TCF7L1: variants seen among roughly 807,000 people sequenced by gnomAD.
The protein encoded by TCF7L1 is transcription factor 7 like 1, also known as transcription factor 7-like 1.
In TCF7L1, 18 loss-of-function variants were observed where a neutral mutation model predicts 63.7. The ratio of observed to expected loss-of-function variants is 0.28; its 90% CI spans 0.20 to 0.42. The LOEUF (loss-of-function observed/expected upper bound fraction) is 0.42. Ranked by LOEUF, TCF7L1 falls within the 10% of genes least tolerant of loss-of-function variation. The pLI, the probability that TCF7L1 is intolerant of heterozygous loss-of-function variation, is 1.00. For synonymous variants in TCF7L1, 355 were observed against 340.9 expected (o/e 1.04, Z -0.46); for missense variants, 654 against 779.3 (o/e 0.84, Z 1.91).
At chr2:85,258,068 AGGGCTG>A (rs1680763356) in intron 3 of TCF7L1, among the ~76,000 whole-genome samples, 1 of 152,222 alleles carries the variant, frequency 6.6e-6, no homozygotes, top group South Asian at 2.1e-4. Flanking sequence ...TAAACTCAGT[AGGGCTG>A]ATGAGGATTA....
intron 10 of TCF7L1, 64 bp from the exon 11 acceptor site, chr2:85,307,578 G>A (rs1358954610): frequency 1.4e-6 from 2 of 1,390,486 alleles, no homozygotes; most frequent in Non-Finnish European, 2.0e-6. Flanking sequence ...TCTGATCTGG[G>A]AGCCCCTGAG....
At chr2:85,278,741 T>G (rs371222449) in intron 3 of TCF7L1, among the ~76,000 whole-genome samples, 16 of 152,232 alleles carry the variant, frequency 1.1e-4, no homozygotes, top group African/African-American at 2.7e-4. Context: ...CAGAAAAGTG[T>G]TTCTCAGATT....
intron 3 of TCF7L1, among the ~76,000 whole-genome samples, chr2:85,166,161 C>G (rs978593334): frequency 6.6e-6 from 1 of 152,200 alleles, no homozygotes; most frequent in Non-Finnish European, 1.5e-5. Context: ...GTCTGGTCAG[C>G]CTTGGGGCTG....
chr2:85,138,649 T>C (rs976133937), intron 3 of TCF7L1, among the ~76,000 whole-genome samples: 3 of 152,194 alleles, frequency 2.0e-5, no homozygotes, highest in Non-Finnish European at 2.9e-5. Flanking sequence ...TGGGAACCTG[T>C]CAATCTTTTT....
chr2:85,306,729 ATCTCGGCTCACT>A lies in TCF7L1; in HGVS notation c.1257+171_1257+182del, dbSNP rs1384197541. On this transcript the variant is annotated intron_variant, in intron 10 of 11. Coordinates refer to ENST00000282111, the MANE Select transcript of TCF7L1 (RefSeq NM_031283.3). The surrounding 1 kb of genome is among the most constrained non-coding windows in gnomAD (Gnocchi z 4.3). ...AGGCTGGAGTGCATGCAGTGGCGCGATCTCGGCTCACTGCAAGCTCCGCCTCCCCGGTTCACA... is the reference window on the plus strand; with the variant it reads ...AGGCTGGAGTGCATGCAGTGGCGCGAGCAAGCTCCGCCTCCCCGGTTCACA... 6.6e-6 allele frequency among the ~76,000 whole-genome samples: 1 copy of A among 152,122 alleles called. No individual in the cohort carries two copies. The highest frequency in any genetic ancestry group is 1.5e-5 in the Non-Finnish European group (1 of 68,016).
At chr2:85,223,355 C>T (rs1418508326) in intron 3 of TCF7L1, among the ~76,000 whole-genome samples, 3 of 152,184 alleles carry the variant, frequency 2.0e-5, no homozygotes, top group African/African-American at 4.8e-5. Context: ...GCCACCACAC[C>T]TGGCCACAAA....
chr2:85,197,875 A>G (rs1406187919), intron 3 of TCF7L1, among the ~76,000 whole-genome samples: 1 of 152,186 alleles, frequency 6.6e-6, no homozygotes, highest in Non-Finnish European at 1.5e-5. Flanking sequence ...GGGTTCTAGA[A>G]GAGAGTCTGC....
Position 85,134,575 on chromosome 2 carries a change from G to A in TCF7L1, c.441+125G>A. ...CGATCCCAAGCAGAACTTGTTTGCG[G>A]AGTTGAACTACTCTCTGGCGGCCGA... On this transcript the variant is annotated intron_variant, in intron 3 of 11. Transcript: ENST00000282111. The surrounding 1 kb of genome is among the most constrained non-coding windows in gnomAD (Gnocchi z 5.0). 1.5e-6 allele frequency: 2 copies of A among 1,343,554 alleles called. No homozygotes were observed. Among genetic ancestry groups the A allele is most frequent in the Non-Finnish European group, 2.0e-6 (2 of 1,010,128 alleles). The allele number at this position is 1,343,554 out of a possible 1,614,324, so 83.2% of individuals were successfully genotyped here. A position where few individuals can be genotyped will look rare whatever the true frequency, so the allele number is the denominator to read the frequency against.
chr2:85,191,755 G>A (rs1572984854), intron 3 of TCF7L1, among the ~76,000 whole-genome samples: 2 of 151,598 alleles, frequency 1.3e-5, no homozygotes, highest in African/African-American at 4.9e-5. Flanking sequence ...CAGCTGGAAG[G>A]CAGAGGTTGC....
At chr2:85,194,455 G>A (rs1383845101) in intron 3 of TCF7L1, among the ~76,000 whole-genome samples, 2 of 152,180 alleles carry the variant, frequency 1.3e-5, no homozygotes, top group Admixed American at 6.5e-5. Flanking sequence ...GGCTGATAAT[G>A]AGCCAAGAGA....
In TCF7L1 at chr2:85,205,702, G is replaced by A. The variant is rs180705565; in HGVS notation, c.441+71252G>A. On this transcript the variant is annotated intron_variant, in intron 3 of 11. Transcript: ENST00000282111. ...CTGCTAATTTTTGTATTTTTTTTTA[G>A]TAGAGAAGGGGTTTCACCATGTAGG... Among the ~76,000 whole-genome samples, 40 of 151,968 alleles carry A rather than the reference G, an allele frequency of 2.6e-4. No individual in the cohort carries two copies. The East Asian group carries it at 7.8e-3, about 29-fold the overall frequency.
intron 3 of TCF7L1, among the ~76,000 whole-genome samples, chr2:85,221,932 A>T (rs1299982347): frequency 1.1e-5 from 1 of 89,524 alleles, no homozygotes; most frequent in Non-Finnish European, 1.9e-5. Flanking sequence ...ATCCAGACTT[A>T]AAAAAAAAAA....
intron 3 of TCF7L1, among the ~76,000 whole-genome samples, chr2:85,177,631 G>A (rs1445311620): frequency 6.6e-6 from 1 of 152,170 alleles, no homozygotes; most frequent in Non-Finnish European, 1.5e-5. Context: ...CTTGAGCCCA[G>A]GAGTTTGAGG....
intron 3 of TCF7L1, among the ~76,000 whole-genome samples, chr2:85,195,041 T>TC (rs1679121805): frequency 6.6e-6 from 1 of 152,252 alleles, no homozygotes; most frequent in Admixed American, 6.5e-5. Flanking sequence ...CAGTCCTTTT[T>TC]CGCAGCATTT....
chr2:85,157,994 G>A (rs115914419), intron 3 of TCF7L1, among the ~76,000 whole-genome samples: 2,048 of 152,332 alleles, frequency 0.013, 36 homozygotes, highest in African/African-American at 0.047. Context: ...GAGAGAGCCT[G>A]GGAACTCAGA....
At chr2:85,179,737 C>CT (rs11401926) in intron 3 of TCF7L1, among the ~76,000 whole-genome samples, 7,499 of 152,226 alleles carry the variant, frequency 0.049, 222 homozygotes, top group Middle Eastern at 0.085. Context: ...GGGGAGGGCC[C>CT]TGCTGTGGTG....
chr2:85,202,885 G>A (rs1679306275), intron 3 of TCF7L1, among the ~76,000 whole-genome samples: 1 of 152,120 alleles, frequency 6.6e-6, no homozygotes, highest in East Asian at 1.9e-4. Flanking sequence ...CCAGGCTGGA[G>A]TGCAGTGGTG....
intron 3 of TCF7L1, among the ~76,000 whole-genome samples, chr2:85,175,353 A>G (rs1678656271): frequency 6.6e-6 from 1 of 152,176 alleles, no homozygotes; most frequent in South Asian, 2.1e-4. Flanking sequence ...AATTTGAACC[A>G]TGGATTTCCT....
chr2:85,241,808 T>C (rs1041382211), intron 3 of TCF7L1, among the ~76,000 whole-genome samples: 1 of 152,182 alleles, frequency 6.6e-6, no homozygotes, highest in African/African-American at 2.4e-5. Flanking sequence ...ATATTTTTAT[T>C]TTATTGACTT....
Sources: allele counts gnomAD v4.1 joint callset (sites outside exome capture counted in the v4.1 genomes callset), GRCh38; gene constraint gnomAD v4.1.1; non-coding constraint Gnocchi (gnomAD v3.1); transcripts MANE v1.5; gene names NCBI Gene and HGNC (gene_info 2026-07-23, HGNC 2026-07-21).